The following SYT2 variants were observed in gnomAD, a reference collection of about 807,000 sequenced individuals.
SYT2 encodes the protein synaptotagmin-2.
Under a neutral mutation model 39.9 loss-of-function variants are expected in SYT2, and 15 were observed. That is an observed-to-expected ratio of 0.38 (90% confidence interval 0.25 to 0.58). The LOEUF is 0.58. Among genes scored for constraint, SYT2 ranks in the 20% least tolerant of loss-of-function variants. SYT2 has a pLI of 0.70. For synonymous variants in SYT2, 181 were observed against 204.5 expected (o/e 0.89, Z 0.98); for missense variants, 389 against 530.3 (o/e 0.73, Z 2.62).
At chr1:202,676,900 G>C (rs1653390416) in intron 1 of SYT2, among the ~76,000 whole-genome samples, 1 of 152,214 alleles carries the variant, frequency 6.6e-6, no homozygotes, top group South Asian at 2.1e-4. Context: ...GGAGAGGCCT[G>C]GTGGGAGGTG....
intron 1 of SYT2, among the ~76,000 whole-genome samples, chr1:202,621,023 AGTATATGTATGCTT>A (rs938597298): frequency 6.6e-6 from 1 of 152,204 alleles, no homozygotes; most frequent in Non-Finnish European, 1.5e-5. Context: ...GTAGGGGAGA[AGTATATGTATGCTT>A]GTATGCTTCT....
rs146069389 is a variant in SYT2, at chr1:202,613,068, CT to C, written c.-17-7280del. ...ACATTGCCGAACTCATTGGTTCTTCCTTTTTTTTTTTTTTTTTTTTTTTTTT... is the reference window on the plus strand; with the variant it reads ...ACATTGCCGAACTCATTGGTTCTTCCTTTTTTTTTTTTTTTTTTTTTTTTT... On this transcript the variant is annotated intron_variant, in intron 1 of 8. Transcript: ENST00000367268. Among the ~76,000 whole-genome samples, 276 of 75,048 alleles carry C rather than the reference CT, an allele frequency of 3.7e-3. 3 individuals are homozygous for C. The highest frequency in any genetic ancestry group is 0.015 in the South Asian group (29 of 1,958). The allele number at this position is 75,048 out of a possible 152,430, so 49.2% of individuals were successfully genotyped here.
chr1:202,664,704 G>A lies in SYT2; in HGVS notation c.-18+45554C>T, dbSNP rs564370061. The stretch of plus-strand genomic sequence containing the variant: ...AGACAGAGTCTTACTCTGTTGCCCA[G>A]GCTGAAGTGCAATGGCGCGATCTTG... On this transcript the variant is annotated intron_variant, in intron 1 of 8. Transcript: ENST00000367268. Among the ~76,000 whole-genome samples the A allele has an allele frequency of 2.3e-3, 354 of 152,320 alleles. 2 individuals are homozygous for A. Among genetic ancestry groups the A allele is most frequent in the African/African-American group, 8.2e-3 (340 of 41,556 alleles).
chr1:202,642,155 G>GCACCATGCGCTCCATCA (rs1691932991), intron 1 of SYT2, among the ~76,000 whole-genome samples: 1 of 152,160 alleles, frequency 6.6e-6, no homozygotes, highest in Non-Finnish European at 1.5e-5. Context: ...CCCAGAGTGG[G>GCACCATGCGCTCCATCA]TCAGTGAGTT....
At chr1:202,650,014 T>C (rs1692161052) in intron 1 of SYT2, among the ~76,000 whole-genome samples, 1 of 152,210 alleles carries the variant, frequency 6.6e-6, no homozygotes, top group African/African-American at 2.4e-5. Context: ...TAAGGGCTTT[T>C]CCCGGACATG....
intron 1 of SYT2, among the ~76,000 whole-genome samples, chr1:202,607,607 A>G (rs1690750128): frequency 1.3e-5 from 2 of 152,096 alleles, no homozygotes; most frequent in South Asian, 4.1e-4. Flanking sequence ...AGCCTTAAGT[A>G]CTTCTGGTGG....
At chr1:202,626,582 G>T (rs993096472) in intron 1 of SYT2, among the ~76,000 whole-genome samples, 18 of 151,470 alleles carry the variant, frequency 1.2e-4, no homozygotes, top group Non-Finnish European at 2.5e-4. Context: ...GCCCAGGATG[G>T]TCTCAAACTC....
chr1:202,618,798 T>A (rs1691121624), intron 1 of SYT2, among the ~76,000 whole-genome samples: 1 of 152,118 alleles, frequency 6.6e-6, no homozygotes, highest in African/African-American at 2.4e-5. Context: ...CGCCAGTAGC[T>A]GAGAGACCAA....
intron 1 of SYT2, among the ~76,000 whole-genome samples, chr1:202,644,428 C>A (rs1178304784): frequency 6.6e-6 from 1 of 152,168 alleles, no homozygotes; most frequent in Non-Finnish European, 1.5e-5. Flanking sequence ...CACTCCTGTG[C>A]CTCAGTGTCA....
At chr1:202,674,434 T>A (rs1653294417) in intron 1 of SYT2, among the ~76,000 whole-genome samples, 1 of 152,208 alleles carries the variant, frequency 6.6e-6, no homozygotes, top group Admixed American at 6.5e-5. Context: ...TACCCCAGTG[T>A]TAGCATGGTC....
intron 1 of SYT2, among the ~76,000 whole-genome samples, chr1:202,677,613 C>G (rs541811399): frequency 6.6e-6 from 1 of 152,184 alleles, no homozygotes; most frequent in Non-Finnish European, 1.5e-5. Context: ...GAAACAGACA[C>G]CATGTGGAAC....
At chr1:202,608,717 A>G (rs1443655655) in intron 1 of SYT2, among the ~76,000 whole-genome samples, 1 of 152,240 alleles carries the variant, frequency 6.6e-6, no homozygotes, top group East Asian at 1.9e-4. Flanking sequence ...ACATCCATGC[A>G]TAAGTTTTTG....
intron 6 of SYT2, 144 bp from the exon 7 acceptor site, chr1:202,600,618 G>A: frequency 1.4e-6 from 1 of 695,294 alleles, no homozygotes; most frequent in Non-Finnish European, 2.5e-6. Context: ...TGATGGCCGA[G>A]AAGGTCTTCC....
chr1:202,605,400 C>T lies in SYT2; in HGVS notation c.178+195G>A, dbSNP rs141211035. 3.6e-3 allele frequency: 1,682 copies of T among 471,602 alleles called. 19 individuals are homozygous for T. Among genetic ancestry groups the T allele is most frequent in the African/African-American group, 0.027 (1,400 of 52,008 alleles). 29.2% of individuals were successfully genotyped at this position (471,602 alleles called of 1,614,324 possible). On this transcript the variant is annotated intron_variant, in intron 2 of 8. Coordinates refer to ENST00000367268, the MANE Select transcript of SYT2 (RefSeq NM_177402.5). ...CCCTGAGAAGTTGACGCACATAAAC[C>T]CCCTTGTTTGCCACATTAGTGGCAG...
Position 202,699,010 on chromosome 1 carries a change from C to CTTTT in SYT2, c.-18+11244_-18+11247dup, listed in dbSNP as rs5780118. 7.8e-3 allele frequency among the ~76,000 whole-genome samples: 759 copies of CTTTT among 97,898 alleles called. 19 individuals carry two copies. Among genetic ancestry groups the CTTTT allele is most frequent in the East Asian group, 0.016 (48 of 2,942 alleles). The allele number at this position is 97,898 out of a possible 152,430, so 64.2% of individuals were successfully genotyped here. ...TGGATAGAACCAGTAACCAAACTGT[C>CTTTT]TTTTTTTTTTTTTTTTTTTTTTTGA... On this transcript the variant is annotated intron_variant, in intron 1 of 8. Coordinates refer to ENST00000367268, the MANE Select transcript of SYT2 (RefSeq NM_177402.5).
chr1:202,640,160 C>T (rs187745167), intron 1 of SYT2, among the ~76,000 whole-genome samples: 284 of 152,276 alleles, frequency 1.9e-3, no homozygotes, highest in African/African-American at 6.7e-3. Context: ...AGGTCATCGC[C>T]TCTCCCCAAG....
At chr1:202,600,247 A>C (rs1359309877) in intron 7 of SYT2, 110 bp downstream of exon 7, 1 of 876,510 alleles carries the variant, frequency 1.1e-6, no homozygotes, top group Non-Finnish European at 1.8e-6. Flanking sequence ...GAGACATCTC[A>C]GTCCCAGGGC....
intron 1 of SYT2, among the ~76,000 whole-genome samples, chr1:202,662,476 T>C (rs575579215): frequency 7.1e-4 from 108 of 152,334 alleles, no homozygotes; most frequent in African/African-American, 2.6e-3. Flanking sequence ...GGCTCCTCCA[T>C]AGTCTACCTG....
At chr1:202,691,760 A>AGGGG (rs1653839803) in intron 1 of SYT2, among the ~76,000 whole-genome samples, 2 of 131,236 alleles carry the variant, frequency 1.5e-5, no homozygotes, top group African/African-American at 5.8e-5. Context: ...AGAGAGAGAG[A>AGGGG]GAGAGAGAGA....
Sources: allele counts gnomAD v4.1 joint callset (sites outside exome capture counted in the v4.1 genomes callset), GRCh38; gene constraint gnomAD v4.1.1; transcripts MANE v1.5; gene names NCBI Gene and HGNC (gene_info 2026-07-23, HGNC 2026-07-21).